Variants in HSPA12A observed in about 807,000 individuals in gnomAD.
The protein encoded by HSPA12A is heat shock 70 kDa protein 12A.
A neutral mutation model predicts 69.2 loss-of-function variants in HSPA12A; 28 were observed. That is an observed-to-expected ratio of 0.40 (90% confidence interval 0.30 to 0.55). HSPA12A has a LOEUF of 0.55. HSPA12A is among the 20% of genes least tolerant of loss of function. The pLI, the probability that HSPA12A is intolerant of heterozygous loss-of-function variation, is 0.38. For missense variants in HSPA12A, 686 were observed against 900.7 expected (o/e 0.76, Z 3.05); for synonymous variants, 345 against 370.5 (o/e 0.93, Z 0.79).
At chr10:116,773,073 T>G (rs560851677) in intron 2 of HSPA12A, among the ~76,000 whole-genome samples, 45 of 152,226 alleles carry the variant, frequency 3.0e-4, no homozygotes, top group Non-Finnish European at 5.3e-4. Flanking sequence ...AAAGTCTGGG[T>G]GAGCCAGGGG....
At chr10:116,742,847 G>A (rs1851561375), upstream of HSPA12A, among the ~76,000 whole-genome samples, 1 of 151,838 alleles carries the variant, frequency 6.6e-6, no homozygotes, top group Non-Finnish European at 1.5e-5. Flanking sequence ...GCCCGGGGCT[G>A]CGCTGCGGGA....
In HSPA12A at chr10:116,674,579, C is replaced by A. The variant is rs994226664; in HGVS notation, c.*202G>T. The A allele has an allele frequency of 4.9e-6, 3 of 615,592 alleles. No homozygotes were observed. Among genetic ancestry groups the A allele is most frequent in the Non-Finnish European group, 8.4e-6 (3 of 355,450 alleles). 38.1% of individuals were successfully genotyped at this position (615,592 alleles called of 1,614,324 possible). A position where few individuals can be genotyped will look rare whatever the true frequency, so the allele number is the denominator to read the frequency against. On this transcript the variant is annotated 3_prime_UTR_variant, in exon 12 of 12. Coordinates refer to ENST00000369209, the MANE Select transcript of HSPA12A (RefSeq NM_025015.3). ...GATCCTTTAATTTTCTATGCCTAAACCTTAATCTTAATTTCTGTTTTTCTG... is the reference window on the plus strand; with the variant it reads ...GATCCTTTAATTTTCTATGCCTAAAACTTAATCTTAATTTCTGTTTTTCTG...
At chr10:116,772,493 G>T (rs545211427) in intron 2 of HSPA12A, among the ~76,000 whole-genome samples, 3 of 152,256 alleles carry the variant, frequency 2.0e-5, no homozygotes, top group South Asian at 4.1e-4. Flanking sequence ...GGGAATATTT[G>T]TAACAGCCCT....
Position 116,681,174 on chromosome 10 carries a change from A to T in HSPA12A, c.1005T>A (p.Leu335=). ...CACCTGTTGCTTTATACAGTTCCTT[A>T]AGGTGTCCCTCCGGTAACCGGATCT... The part of the protein sequence containing the change: ...VHQIRLPEGH[L]KELYKATGGP... The change falls in exon 9 of 12, where the codon CTT becomes CTA. Residue 335 remains leucine, a synonymous_variant. Transcript: ENST00000369209. 1.9e-6 allele frequency: 3 copies of T among 1,613,864 alleles called. No individual in the cohort carries two copies. Among genetic ancestry groups the T allele is most frequent in the Non-Finnish European group, 2.5e-6 (3 of 1,179,724 alleles).
chr10:116,723,990 G>A lies in HSPA12A; in HGVS notation c.41-16705C>T, dbSNP rs959969576. 4.6e-5 allele frequency among the ~76,000 whole-genome samples: 7 copies of A among 152,222 alleles called. No individual in the cohort carries two copies. The highest frequency in any genetic ancestry group is 8.8e-5 in the Non-Finnish European group (6 of 68,042). On this transcript the variant is annotated intron_variant, in intron 1 of 11. Coordinates refer to ENST00000369209, the MANE Select transcript of HSPA12A (RefSeq NM_025015.3). The surrounding 1 kb of genome is among the most constrained non-coding windows in gnomAD (Gnocchi z 4.1). ...ATGGCTGCATGGCCCCAACAGAGGCGTATCGGGCAGCACTGGCCGGAACTT... is the reference window on the plus strand; with the variant it reads ...ATGGCTGCATGGCCCCAACAGAGGCATATCGGGCAGCACTGGCCGGAACTT...
intron 2 of HSPA12A, chr10:116,750,746 G>A (rs577823395): frequency 1.0e-4 from 18 of 173,218 alleles, no homozygotes; most frequent in East Asian, 1.7e-4. Context: ...GAGGCCAAGC[G>A]GGAGGATTGC....
chr10:116,752,604 T>C (rs984203549), intron 2 of HSPA12A, among the ~76,000 whole-genome samples: 4 of 152,078 alleles, frequency 2.6e-5, no homozygotes, highest in Non-Finnish European at 4.4e-5. Flanking sequence ...TGTATGAAAT[T>C]TACAAGAAAA....
chr10:116,845,556 CCT>C (rs1029721017), intron 1 of HSPA12A, among the ~76,000 whole-genome samples: 1 of 152,060 alleles, frequency 6.6e-6, no homozygotes, highest in Non-Finnish European at 1.5e-5. Context: ...ACAGTCCTAC[CCT>C]CTCTCCGTGG....
intron 1 of HSPA12A, among the ~76,000 whole-genome samples, chr10:116,841,870 G>C (rs1252970039): frequency 1.3e-5 from 2 of 151,270 alleles, no homozygotes; most frequent in Admixed American, 6.6e-5. Context: ...CAAAATTATG[G>C]CAGAAAAAGA....
rs996170619 is a variant in HSPA12A at position 116,732,291 on chromosome 10, C to G, written c.40+10139G>C. Among the ~76,000 whole-genome samples, 3 of 115,188 alleles carry G rather than the reference C, an allele frequency of 2.6e-5. No individual in the cohort carries two copies. In the East Asian group the frequency reaches 6.6e-4, roughly 25 times the overall value. 75.6% of individuals were successfully genotyped at this position (115,188 alleles called of 152,430 possible). ...GCTGCAGTGAGCCAAGATCACCCTA[C>G]TGCACTCCAGCCTGGGTGACTCCGT... On this transcript the variant is annotated intron_variant, in intron 1 of 11. Coordinates refer to ENST00000369209, the MANE Select transcript of HSPA12A (RefSeq NM_025015.3).
intron 1 of HSPA12A, among the ~76,000 whole-genome samples, chr10:116,724,229 T>G (rs1850875700): frequency 6.6e-6 from 1 of 152,184 alleles, no homozygotes; most frequent in African/African-American, 2.4e-5. Context: ...AACACGCACT[T>G]TGGGTTCAGA....
At chr10:116,695,676 C>A (rs12259830) in intron 5 of HSPA12A, among the ~76,000 whole-genome samples, 1 of 151,392 alleles carries the variant, frequency 6.6e-6, no homozygotes, top group African/African-American at 2.4e-5. Flanking sequence ...ATTAGCCAGG[C>A]ATGGTGGCGG....
At chr10:116,707,140 C>G in intron 2 of HSPA12A, 60 bp downstream of exon 2, 3 of 1,316,598 alleles carry the variant, frequency 2.3e-6, no homozygotes, top group Non-Finnish European at 3.1e-6. Flanking sequence ...TGTGCTCATG[C>G]GCACCCATGC....
At position 116,710,524 on chromosome 10, in the gene HSPA12A, T is replaced by C. The variant is rs1403184404; in HGVS notation, c.41-3239A>G. Among the ~76,000 whole-genome samples, 1 of 152,142 alleles carries C rather than the reference T, an allele frequency of 6.6e-6. No individual in the cohort carries two copies. Among genetic ancestry groups the C allele is most frequent in the African/African-American group, 2.4e-5 (1 of 41,444 alleles). On this transcript the variant is annotated intron_variant, in intron 1 of 11. Transcript: ENST00000369209. This position sits in a 1 kb window ranked among gnomAD's most constrained non-coding sequence, Gnocchi z 4.1. ...CTTTGAGGGCAAGAAGCAAGGATTT[T>C]TTGGTTCTGCTGTACCTCCCTTCAA...
chr10:116,703,160 G>A (rs918917183), intron 3 of HSPA12A, among the ~76,000 whole-genome samples: 29 of 152,194 alleles, frequency 1.9e-4, no homozygotes, highest in Non-Finnish European at 7.3e-5. Flanking sequence ...TGAACACCAA[G>A]GGCGATGCTG....
chr10:116,681,818 C>T lies in HSPA12A; in HGVS notation c.895G>A (p.Gly299Arg). The change falls in exon 8 of 12, where the codon GGA becomes AGA. Residue 299 changes from glycine to arginine, a missense_variant. Coordinates refer to ENST00000369209, the MANE Select transcript of HSPA12A (RefSeq NM_025015.3). ...SRTFLVENVI[G>R]EIWSELEEGD... The stretch of plus-strand genomic sequence containing the variant: ...TCCTCCAGCTCGGACCAGATTTCTC[C>T]TATGACATTCTCCACCAAAAAGGTC... The T allele has an allele frequency of 6.2e-7, 1 of 1,614,114 alleles. No homozygotes were observed. Among genetic ancestry groups the T allele is most frequent in the African/African-American group, 1.3e-5 (1 of 75,056 alleles).
chr10:116,674,901 C>T lies in HSPA12A; in HGVS notation c.1908G>A (p.Val636=). The part of the protein sequence containing the change: ...LDLTGTSGTA[V]PARREIQTLM... ...GGGTCTGGATCTCCCTCCGGGCGGGCACCGCAGTGCCACTGGTCCCTGTGA... is the reference window on the plus strand; with the variant it reads ...GGGTCTGGATCTCCCTCCGGGCGGGTACCGCAGTGCCACTGGTCCCTGTGA... Residue 636 remains valine, a synonymous_variant, in exon 12 of 12, where the codon GTG becomes GTA. Transcript: ENST00000369209. The T allele has an allele frequency of 6.2e-7, 1 of 1,614,138 alleles. No individual in the cohort carries two copies. Among genetic ancestry groups the T allele is most frequent in the Non-Finnish European group, 8.5e-7 (1 of 1,180,040 alleles).
chr10:116,779,479 G>A (rs1844415116), intron 2 of HSPA12A, among the ~76,000 whole-genome samples: 1 of 152,146 alleles, frequency 6.6e-6, no homozygotes, highest in African/African-American at 2.4e-5. Flanking sequence ...CTCGGGTGTG[G>A]CCACGTGACT....
In HSPA12A at chr10:116,750,190, G is replaced by C. The variant is rs1461667034; in HGVS notation, c.92-42905C>G. The C allele has an allele frequency of 9.2e-6, 6 of 651,662 alleles. No homozygotes were observed. In the African/African-American group the frequency reaches 1.1e-4, roughly 12 times the overall value. The allele number at this position is 651,662 out of a possible 1,614,324, so 40.4% of individuals were successfully genotyped here. A position where few individuals can be genotyped will look rare whatever the true frequency, so the allele number is the denominator to read the frequency against. On this transcript the variant is annotated intron_variant, in intron 2 of 12. Transcript: ENST00000635765. ...AGGTTGGCCTGACAAATTATGCTGCGGCACATTGTCCTGGCCTGCTGCTGG... is the reference window on the plus strand; with the variant it reads ...AGGTTGGCCTGACAAATTATGCTGCCGCACATTGTCCTGGCCTGCTGCTGG...
Sources: gnomAD v4.1 joint callset for allele counts (sites outside exome capture counted in the v4.1 genomes callset) on GRCh38, gnomAD v4.1.1 for gene constraint, Gnocchi (gnomAD v3.1) non-coding constraint, MANE v1.5 for transcripts, NCBI Gene and HGNC (gene_info 2026-07-23, HGNC 2026-07-21) for gene names.